Variants in EYA1 observed in about 807,000 individuals in gnomAD.
EYA1 encodes EYA transcriptional coactivator and phosphatase 1.
In EYA1, 16 loss-of-function variants were observed where a neutral mutation model predicts 82.0. The ratio of observed to expected loss-of-function variants is 0.20; its 90% confidence interval spans 0.13 to 0.30. EYA1 has a LOEUF of 0.30. Among genes scored for constraint, EYA1 ranks in the 10% least tolerant of loss-of-function variants. The pLI, the probability that EYA1 is intolerant of heterozygous loss-of-function variation, is 1.00. For synonymous variants in EYA1, 261 were observed against 264.4 expected (o/e 0.99, Z 0.12); for missense variants, 633 against 730.7 (o/e 0.87, Z 1.54).
At chr8:71,444,894 A>T (rs1265678304) in intron 2 of EYA1, among the ~76,000 whole-genome samples, 6 of 152,222 alleles carry the variant, frequency 3.9e-5, no homozygotes, top group African/African-American at 4.8e-5. Flanking sequence ...ATTTGTGGAA[A>T]CTATGCAGTT....
intron 1 of EYA1, among the ~76,000 whole-genome samples, chr8:71,540,106 C>T (rs974421405): frequency 7.4e-6 from 1 of 134,482 alleles, no homozygotes; most frequent in Non-Finnish European, 1.5e-5. Flanking sequence ...GCTTTAAACA[C>T]AGAAACTTTA....
chr8:71,216,933 G>C, intron 13 of EYA1, 32 bp downstream of exon 13: 1 of 1,611,770 alleles, frequency 6.2e-7, no homozygotes. Flanking sequence ...CTATAAAAGG[G>C]AGATGGTCAC....
At chr8:71,229,981 CA>C (rs1026688028) in intron 12 of EYA1, among the ~76,000 whole-genome samples, 3 of 152,154 alleles carry the variant, frequency 2.0e-5, no homozygotes, top group Admixed American at 6.5e-5. Context: ...ACACAATTAG[CA>C]GTGAGAAGGA....
At chr8:71,474,019 G>A (rs758548816) in intron 2 of EYA1, among the ~76,000 whole-genome samples, 12 of 152,070 alleles carry the variant, frequency 7.9e-5, no homozygotes, top group Middle Eastern at 3.4e-3. Context: ...TGGACACAGG[G>A]AGGGGAACAT....
chr8:71,407,065 C>T (rs1335090757), intron 2 of EYA1, among the ~76,000 whole-genome samples: 13 of 107,378 alleles, frequency 1.2e-4, no homozygotes, highest in African/African-American at 2.8e-4. Context: ...GGTCCCTGAC[C>T]CCTGACCCCC....
chr8:71,215,334 A>G, intron 16 of EYA1, 53 bp downstream of exon 16: 1 of 1,579,302 alleles, frequency 6.3e-7, no homozygotes, highest in Non-Finnish European at 8.7e-7. Context: ...TTTCGTTTTT[A>G]TTATCCTGAA....
intron 10 of EYA1, chr8:71,270,067 T>A: frequency 2.4e-6 from 1 of 422,974 alleles, no homozygotes; most frequent in South Asian, 2.6e-5. Context: ...AAAGAGATAA[T>A]CTATGTCCTT....
In EYA1 at chr8:71,215,663, C is replaced by T. The variant is rs371408686; in HGVS notation, c.1426G>A (p.Asp476Asn). The T allele has an allele frequency of 1.4e-5, 22 of 1,614,006 alleles. No individual in the cohort carries two copies. Among genetic ancestry groups the T allele is most frequent in the African/African-American group, 9.3e-5 (7 of 74,914 alleles). ...TTCAGGGCCAGTGTCAACCAGGAGT[C>T]GGTCAGGGCTTCAATTTCGGCCCTC... ...QLRAEIEALT[D>N]SWLTLALKAL... Residue 476 changes from aspartate (D) to asparagine (N), a missense_variant, in exon 15 of 18, where the codon GAC becomes AAC. Transcript: ENST00000340726.
At chr8:71,290,179 C>CTACTGATAAG (rs1818842735) in intron 9 of EYA1, among the ~76,000 whole-genome samples, 2 of 152,138 alleles carry the variant, frequency 1.3e-5, no homozygotes, top group Non-Finnish European at 2.9e-5. Context: ...TCAGTTCTAC[C>CTACTGATAAG]TTTATTTAAA....
chr8:71,277,052 CAG>C (rs1817259298), intron 9 of EYA1, among the ~76,000 whole-genome samples: 10 of 149,128 alleles, frequency 6.7e-5, no homozygotes, highest in Non-Finnish European at 1.5e-4. Flanking sequence ...TAGTCTACTT[CAG>C]ATAGACAAAC....
rs1214219053 is a variant in EYA1 at position 71,361,940 on chromosome 8, C to T, written c.-348G>A. ...GGACGGCAACAGGAAGGCTTAAAGT[C>T]GGAAGTGGCACTGGAGAGTTTCTAC... On this transcript the variant is annotated 5_prime_UTR_variant, in exon 1 of 18. Transcript: ENST00000340726. The T allele has an allele frequency of 4.1e-6, 4 of 985,330 alleles. No individual in the cohort carries two copies. Among genetic ancestry groups the T allele is most frequent in the Non-Finnish European group, 4.8e-6 (4 of 829,964 alleles). 61.0% of individuals were successfully genotyped at this position (985,330 alleles called of 1,614,324 possible).
chr8:71,426,285 G>A (rs894629088), intron 2 of EYA1, among the ~76,000 whole-genome samples: 7 of 152,248 alleles, frequency 4.6e-5, no homozygotes, highest in African/African-American at 1.4e-4. Flanking sequence ...TAGAATTATC[G>A]TTTCCATGTG....
At chr8:71,232,806 G>A (rs773572258) in intron 12 of EYA1, among the ~76,000 whole-genome samples, 32 of 150,392 alleles carry the variant, frequency 2.1e-4, no homozygotes, top group Non-Finnish European at 3.8e-4. Flanking sequence ...CTTTCCCTTC[G>A]TCCCCTACAG....
intron 2 of EYA1, among the ~76,000 whole-genome samples, chr8:71,383,026 C>T (rs564895881): frequency 1.3e-5 from 2 of 151,664 alleles, no homozygotes; most frequent in Non-Finnish European, 2.9e-5. Flanking sequence ...GGTTAAGCAA[C>T]TTTTCTTCTG....
intron 1 of EYA1, among the ~76,000 whole-genome samples, 186 bp downstream of exon 1, chr8:71,361,461 C>G (rs148074571): frequency 2.3e-4 from 35 of 152,354 alleles, no homozygotes; most frequent in African/African-American, 8.2e-4. Context: ...AATTCTACTT[C>G]TAGGATGAAA....
chr8:71,206,048 T>C (rs1025514887), intron 17 of EYA1, among the ~76,000 whole-genome samples: 4 of 152,180 alleles, frequency 2.6e-5, no homozygotes, highest in African/African-American at 9.7e-5. Context: ...GTTTTAAAAA[T>C]TTTAATTATG....
At chr8:71,458,105 A>G (rs73298355) in intron 2 of EYA1, among the ~76,000 whole-genome samples, 17,456 of 152,106 alleles carry the variant, frequency 0.11, 1,816 homozygotes, top group East Asian at 0.47. Flanking sequence ...AAGAAAAACT[A>G]GAGGATATAA....
At chr8:71,321,068 T>A (rs188096774) in intron 6 of EYA1, among the ~76,000 whole-genome samples, 56 of 152,358 alleles carry the variant, frequency 3.7e-4, no homozygotes, top group African/African-American at 1.1e-3. Context: ...GAAATTTTTT[T>A]AATTAAGCTT....
chr8:71,356,121 C>T (rs1366548896), intron 2 of EYA1, among the ~76,000 whole-genome samples: 1 of 152,162 alleles, frequency 6.6e-6, no homozygotes, highest in Non-Finnish European at 1.5e-5. Flanking sequence ...AACAGCTTAA[C>T]ATGAACCATT....
Sources: allele counts gnomAD v4.1 joint callset (sites outside exome capture counted in the v4.1 genomes callset), GRCh38; gene constraint gnomAD v4.1.1; transcripts MANE v1.5; gene names NCBI Gene and HGNC (gene_info 2026-07-23, HGNC 2026-07-21).